The following PTK2 variants were observed in gnomAD, a reference collection of about 807,000 sequenced individuals.
PTK2 encodes focal adhesion kinase 1.
A neutral mutation model predicts 150.1 loss-of-function variants in PTK2; 45 were observed. The ratio of observed to expected loss-of-function variants is 0.30; its 90% CI spans 0.24 to 0.38. PTK2 has a LOEUF of 0.38. Among genes scored for constraint, PTK2 ranks in the 10% least tolerant of loss-of-function variants. PTK2 has a pLI of 1.00. For missense variants in PTK2, 919 were observed against 1,307.3 expected, an observed-to-expected ratio of 0.70 and a Z score of 4.58; for synonymous variants, 432 against 449.2, an observed-to-expected ratio of 0.96 and a Z score of 0.48.
chr8:140,825,978 T>G (rs1334090330), intron 8 of PTK2, among the ~76,000 whole-genome samples: 7 of 152,234 alleles, frequency 4.6e-5, no homozygotes, highest in Non-Finnish European at 1.0e-4. Context: ...TATCCCAGAT[T>G]CCATTTTTGG....
intron 16 of PTK2, among the ~76,000 whole-genome samples, chr8:140,760,596 G>A (rs1270492978): frequency 6.6e-6 from 1 of 152,178 alleles, no homozygotes; most frequent in Non-Finnish European, 1.5e-5. Flanking sequence ...GGAAGTAACT[G>A]CTGCTAATGG....
chr8:140,915,027 C>T (rs938813259), intron 2 of PTK2, among the ~76,000 whole-genome samples: 1 of 76,246 alleles, frequency 1.3e-5, no homozygotes, highest in Non-Finnish European at 2.3e-5. Context: ...GAACGAAACT[C>T]CAACTCAAAA....
At chr8:140,860,858 C>T (rs1410073368) in intron 5 of PTK2, among the ~76,000 whole-genome samples, 6 of 152,136 alleles carry the variant, frequency 3.9e-5, no homozygotes, top group Non-Finnish European at 8.8e-5. Context: ...ATTACTTGAG[C>T]CTGAAATACT....
At chr8:140,810,886 G>C (rs184646590) in intron 10 of PTK2, among the ~76,000 whole-genome samples, 92 of 152,122 alleles carry the variant, frequency 6.0e-4, no homozygotes, top group Non-Finnish European at 1.1e-3. Flanking sequence ...CACAGACCTG[G>C]GCCTGCCAGC....
At chr8:140,878,580 C>T (rs916223846) in intron 4 of PTK2, among the ~76,000 whole-genome samples, 4 of 151,206 alleles carry the variant, frequency 2.6e-5, no homozygotes, top group South Asian at 2.1e-4. Context: ...GGTGACAGGG[C>T]GAGACTCTGT....
intron 8 of PTK2, among the ~76,000 whole-genome samples, chr8:140,826,233 T>C (rs1031916180): frequency 6.6e-6 from 1 of 152,232 alleles, no homozygotes; most frequent in African/African-American, 2.4e-5. Context: ...AATTTCTAGC[T>C]AGCTGAAGTT....
intron 8 of PTK2, among the ~76,000 whole-genome samples, chr8:140,829,591 T>C (rs1668779592): frequency 6.6e-6 from 1 of 152,154 alleles, no homozygotes; most frequent in African/African-American, 2.4e-5. Flanking sequence ...GTTAGCTACA[T>C]TTTCTCATAA....
At chr8:140,793,212 G>T in intron 13 of PTK2, 142 bp downstream of exon 13, 1 of 944,026 alleles carries the variant, frequency 1.1e-6, no homozygotes, top group Non-Finnish European at 1.5e-6. Flanking sequence ...AAACTGACTT[G>T]ATTTCTTTCT....
intron 22 of PTK2, among the ~76,000 whole-genome samples, chr8:140,722,338 GATCA>G (rs1196334666): frequency 6.6e-6 from 1 of 152,132 alleles, no homozygotes; most frequent in East Asian, 1.9e-4. Flanking sequence ...TCAGTGGCAC[GATCA>G]TTCCTGGACT....
At chr8:140,881,859 T>C (rs967744570) in intron 3 of PTK2, among the ~76,000 whole-genome samples, 8 of 152,092 alleles carry the variant, frequency 5.3e-5, no homozygotes, top group African/African-American at 1.9e-4. Flanking sequence ...GAAAGGCAGG[T>C]TTCTGTCTTG....
intron 2 of PTK2, among the ~76,000 whole-genome samples, chr8:140,901,780 T>C (rs2100158565): frequency 6.6e-6 from 1 of 151,962 alleles, no homozygotes; most frequent in African/African-American, 2.4e-5. Flanking sequence ...ATTAGGAATA[T>C]TTCTCATAAC....
chr8:140,902,063 T>C (rs576102273), intron 2 of PTK2, among the ~76,000 whole-genome samples: 15 of 151,998 alleles, frequency 9.9e-5, no homozygotes, highest in East Asian at 3.9e-4. Context: ...AGATGGAGTC[T>C]TGCTCTGTCA....
intron 22 of PTK2, among the ~76,000 whole-genome samples, chr8:140,731,199 A>C (rs1365399010): frequency 6.6e-6 from 1 of 152,028 alleles, no homozygotes; most frequent in African/African-American, 2.4e-5. Flanking sequence ...ACCTCAGGTG[A>C]TCCACCTGCC....
At chr8:140,894,880 G>C (rs145991433) in intron 2 of PTK2, among the ~76,000 whole-genome samples, 10 of 152,106 alleles carry the variant, frequency 6.6e-5, no homozygotes, top group Admixed American at 6.5e-4. Flanking sequence ...TGAAGAGCAC[G>C]ATTAACAAAT....
intron 7 of PTK2, among the ~76,000 whole-genome samples, chr8:140,841,587 G>A (rs957597992): frequency 2.6e-5 from 4 of 151,906 alleles, no homozygotes; most frequent in African/African-American, 7.2e-5. Flanking sequence ...ATGAAAATAC[G>A]ATTTTACTAC....
chr8:140,989,678 G>A (rs1344085321), intron 1 of PTK2, among the ~76,000 whole-genome samples: 1 of 152,106 alleles, frequency 6.6e-6, no homozygotes, highest in Non-Finnish European at 1.5e-5. Flanking sequence ...GGAGGCCGAG[G>A]CGGGCGGATC....
At chr8:140,715,155 G>GTTTTTTTTT (rs67306225) in intron 23 of PTK2, among the ~76,000 whole-genome samples, 1 of 56,018 alleles carries the variant, frequency 1.8e-5, no homozygotes, top group Admixed American at 2.5e-4. Flanking sequence ...CATTAAAACC[G>GTTTTTTTTT]TTTTTTTTTT....
intron 14 of PTK2, among the ~76,000 whole-genome samples, chr8:140,782,401 C>T (rs1487107668): frequency 2.0e-5 from 3 of 152,024 alleles, no homozygotes; most frequent in Admixed American, 6.5e-5. Flanking sequence ...CACGCCTCCA[C>T]GCCTGGCTAC....
At chr8:140,897,194 T>C (rs1299797501) in intron 2 of PTK2, among the ~76,000 whole-genome samples, 2 of 152,168 alleles carry the variant, frequency 1.3e-5, no homozygotes, top group African/African-American at 4.8e-5. Context: ...AATATACCTA[T>C]GTGGCCCAAA....
Sources: allele counts gnomAD v4.1 joint callset (sites outside exome capture counted in the v4.1 genomes callset), GRCh38; gene constraint gnomAD v4.1.1; transcripts MANE v1.5; gene names NCBI Gene and HGNC (gene_info 2026-07-23, HGNC 2026-07-21).